Variants in TCF7L2 observed in about 807,000 individuals in gnomAD.
TCF7L2 encodes transcription factor 7 like 2, also known as transcription factor 7-like 2.
Under a neutral mutation model 77.9 loss-of-function variants are expected in TCF7L2, and 23 were observed. That is an observed-to-expected ratio of 0.30 (90% CI 0.21 to 0.42). The LOEUF (loss-of-function observed/expected upper bound fraction) is 0.42, where lower values mean the gene tolerates loss of function less well. Ranked by LOEUF, TCF7L2 falls within the 10% of genes least tolerant of loss-of-function variation. The pLI is 1.00. For synonymous variants in TCF7L2, 413 were observed against 340.2 expected, an observed-to-expected ratio of 1.21 and a Z score of -2.36; for missense variants, 654 against 793.1, an observed-to-expected ratio of 0.82 and a Z score of 2.11.
chr10:113,126,035 A>T (rs1178733411), intron 5 of TCF7L2: 7 of 152,066 alleles, frequency 4.6e-5, no homozygotes, highest in Admixed American at 4.6e-4. Flanking sequence ...TATGCTTAGA[A>T]GACGCGCAGC....
Position 113,151,206 on chromosome 10 carries a change from C to T in TCF7L2, c.1001+83C>T, listed in dbSNP as rs1308966323. On this transcript the variant is annotated intron_variant, in intron 9 of 13. Transcript: ENST00000627217. The surrounding 1 kb of genome is among the most constrained non-coding windows in gnomAD (Gnocchi z 5.2). Reference sequence around the variant, plus strand: ...GCAGCTGCTGGGTGGTGGCTTTCTGCCTAAGGTTGGCCTCGTTTGGTTTGA... The same window carrying T: ...GCAGCTGCTGGGTGGTGGCTTTCTGTCTAAGGTTGGCCTCGTTTGGTTTGA... 5.0e-6 allele frequency: 8 copies of T among 1,591,852 alleles called. No individual in the cohort carries two copies. Among genetic ancestry groups the T allele is most frequent in the Non-Finnish European group, 6.9e-6 (8 of 1,166,622 alleles).
intron 5 of TCF7L2, among the ~76,000 whole-genome samples, chr10:113,072,045 T>A (rs1192962892): frequency 1.1e-5 from 1 of 92,484 alleles, no homozygotes; most frequent in Non-Finnish European, 2.8e-5. Context: ...TAATTTTATT[T>A]TAATTAATTA....
chr10:113,158,417 G>A (rs1469238852), intron 12 of TCF7L2, among the ~76,000 whole-genome samples: 1 of 152,102 alleles, frequency 6.6e-6, no homozygotes, highest in South Asian at 2.1e-4. Context: ...AGGAGGGGGC[G>A]GGGCTTAGGG....
chr10:113,090,225 G>A (rs1283180434), intron 5 of TCF7L2, among the ~76,000 whole-genome samples: 1 of 152,144 alleles, frequency 6.6e-6, no homozygotes, highest in Non-Finnish European at 1.5e-5. Context: ...AAAAGCAAAA[G>A]TCAATGCAGA....
chr10:112,991,539 G>T (rs1043233696), intron 4 of TCF7L2, among the ~76,000 whole-genome samples: 1 of 150,454 alleles, frequency 6.6e-6, no homozygotes, highest in African/African-American at 2.5e-5. Flanking sequence ...AAAAGAAAGT[G>T]GGGAACCCCT....
At chr10:113,129,405 G>A (rs536313634) in intron 5 of TCF7L2, 2 of 999,254 alleles carry the variant, frequency 2.0e-6, no homozygotes, top group Non-Finnish European at 2.4e-6. Context: ...TTGCTGAGGT[G>A]CCCTGAGCTG....
At chr10:113,087,534 T>A (rs2135572186) in intron 5 of TCF7L2, among the ~76,000 whole-genome samples, 1 of 152,356 alleles carries the variant, frequency 6.6e-6, no homozygotes, top group East Asian at 1.9e-4. Flanking sequence ...ATCTTTCAAA[T>A]GGACTCATGC....
chr10:112,999,135 G>A (rs184371180), intron 4 of TCF7L2, among the ~76,000 whole-genome samples: 1 of 152,376 alleles, frequency 6.6e-6, no homozygotes, highest in East Asian at 1.9e-4. Context: ...TCCTGCCTCA[G>A]CCTCTCTTAA....
chr10:113,024,532 G>A (rs1023969006), intron 4 of TCF7L2, among the ~76,000 whole-genome samples: 18 of 151,596 alleles, frequency 1.2e-4, no homozygotes, highest in African/African-American at 4.4e-4. Flanking sequence ...TTCAGATTTT[G>A]GAATATTCGC....
intron 5 of TCF7L2, among the ~76,000 whole-genome samples, chr10:113,046,077 A>G (rs1287122516): frequency 6.6e-6 from 1 of 151,998 alleles, no homozygotes; most frequent in Admixed American, 6.5e-5. Context: ...CAAAGTGTAC[A>G]TGGGGCCATG....
chr10:113,089,934 C>T (rs2060198433), intron 5 of TCF7L2, among the ~76,000 whole-genome samples: 1 of 152,218 alleles, frequency 6.6e-6, no homozygotes, highest in Admixed American at 6.5e-5. Context: ...ACCACCTCAA[C>T]TTTGCCTTCG....
In TCF7L2 at chr10:113,011,596, G is replaced by A. The variant is rs563110309; in HGVS notation, c.451-28429G>A. 2.0e-4 allele frequency among the ~76,000 whole-genome samples: 31 copies of A among 152,182 alleles called. No homozygotes were observed. In the South Asian group the frequency reaches 6.2e-3, roughly 31 times the overall value. On this transcript the variant is annotated intron_variant, in intron 4 of 13. Transcript: ENST00000627217. Reference sequence around the variant, plus strand: ...TGTTACTACCTTGAGTATTGCTGTTGAGTATTACTGTCGAATTTTACTACC... The same window carrying A: ...TGTTACTACCTTGAGTATTGCTGTTAAGTATTACTGTCGAATTTTACTACC...
intron 1 of TCF7L2, 93 bp downstream of exon 1, chr10:112,951,038 G>A: frequency 6.8e-7 from 1 of 1,474,030 alleles, no homozygotes; most frequent in Non-Finnish European, 9.1e-7. Flanking sequence ...GCTGGGGGCG[G>A]CGGCGGGGCC....
At chr10:112,973,049 C>G (rs2038623228) in intron 4 of TCF7L2, among the ~76,000 whole-genome samples, 1 of 152,182 alleles carries the variant, frequency 6.6e-6, no homozygotes. Context: ...GGGCAACACA[C>G]ATAGAAATCA....
At chr10:113,089,516 A>T in intron 5 of TCF7L2, 2 of 1,613,898 alleles carry the variant, frequency 1.2e-6, no homozygotes. Context: ...CCTTACAAAA[A>T]GTTGGGGAGC....
Position 113,167,000 on chromosome 10 carries a change from C to T in TCF7L2, c.*1028C>T, listed in dbSNP as rs942130956. Reference sequence around the variant, plus strand: ...GCAGTGGGAACCATCTTCGTTTCCCCTTTGAACTCCCAGTGGGATGCCCTA... The same window carrying T: ...GCAGTGGGAACCATCTTCGTTTCCCTTTTGAACTCCCAGTGGGATGCCCTA... On this transcript the variant is annotated 3_prime_UTR_variant, in exon 14 of 14. Coordinates refer to ENST00000627217, the MANE Select transcript of TCF7L2 (RefSeq NM_001146274.2). 8.6e-6 allele frequency: 2 copies of T among 231,338 alleles called. No homozygotes were observed. Among genetic ancestry groups the T allele is most frequent in the Admixed American group, 1.1e-4 (2 of 17,704 alleles). The allele number at this position is 231,338 out of a possible 1,614,324, so 14.3% of individuals were successfully genotyped here. A position where few individuals can be genotyped will look rare whatever the true frequency, so the allele number is the denominator to read the frequency against.
At chr10:112,977,503 T>A (rs993480081) in intron 4 of TCF7L2, among the ~76,000 whole-genome samples, 1 of 152,222 alleles carries the variant, frequency 6.6e-6, no homozygotes, top group Non-Finnish European at 1.5e-5. Context: ...TTGAATTACC[T>A]GTTATGATCC....
At position 113,012,209 on chromosome 10, in the gene TCF7L2, A is replaced by G. The variant is rs551578741; in HGVS notation, c.451-27816A>G. Among the ~76,000 whole-genome samples the G allele has an allele frequency of 2.2e-4, 33 of 152,342 alleles. 1 individual carries two copies. The South Asian group carries it at 6.4e-3, about 30-fold the overall frequency. On this transcript the variant is annotated intron_variant, in intron 4 of 13. Coordinates refer to ENST00000627217, the MANE Select transcript of TCF7L2 (RefSeq NM_001146274.2). Reference sequence around the variant, plus strand: ...TCAGAACATCTGGGGAATGCGAGCCATGCACCAGTAGTTATAAAACCTGCC... The same window carrying G: ...TCAGAACATCTGGGGAATGCGAGCCGTGCACCAGTAGTTATAAAACCTGCC...
At chr10:113,106,556 C>T (rs2062344743) in intron 5 of TCF7L2, among the ~76,000 whole-genome samples, 2 of 152,016 alleles carry the variant, frequency 1.3e-5, no homozygotes, top group South Asian at 4.2e-4. Context: ...TTCTCGGATG[C>T]CCCGGGTGTT....
Sources: gnomAD v4.1 joint callset for allele counts (sites outside exome capture counted in the v4.1 genomes callset) on GRCh38, gnomAD v4.1.1 for gene constraint, Gnocchi (gnomAD v3.1) non-coding constraint, MANE v1.5 for transcripts, NCBI Gene and HGNC (gene_info 2026-07-23, HGNC 2026-07-21) for gene names.